Variants in SLC26A3 observed in about 807,000 individuals in gnomAD.
SLC26A3 encodes the protein chloride anion exchanger.
Under a neutral mutation model 85.6 loss-of-function variants are expected in SLC26A3, and 64 were observed. The observed-to-expected ratio is 0.75, with a 90% CI of 0.61 to 0.92. The LOEUF (loss-of-function observed/expected upper bound fraction) is 0.92, where lower values mean the gene tolerates loss of function less well. Among genes scored for constraint, SLC26A3 ranks in the 40% least tolerant of loss-of-function variants. The pLI is 0.00. For synonymous variants in SLC26A3, 349 were observed against 336.0 expected, an observed-to-expected ratio of 1.04 and a Z score of -0.42; for missense variants, 922 against 927.3, an observed-to-expected ratio of 0.99 and a Z score of 0.07.
intron 18 of SLC26A3, among the ~76,000 whole-genome samples, chr7:107,768,830 A>G (rs1562873667): frequency 6.6e-6 from 1 of 152,176 alleles, no homozygotes; most frequent in Non-Finnish European, 1.5e-5. Context: ...AAGAGAAGGT[A>G]CACAGTTATG....
intron 13 of SLC26A3, among the ~76,000 whole-genome samples, chr7:107,777,675 T>A (rs915577067): frequency 5.3e-5 from 8 of 152,114 alleles, no homozygotes; most frequent in African/African-American, 1.9e-4. Context: ...TCCAAATGGC[T>A]TTTGTGGAAT....
intron 1 of SLC26A3, among the ~76,000 whole-genome samples, chr7:107,798,274 G>T: frequency 6.6e-6 from 1 of 150,508 alleles, no homozygotes; most frequent in Non-Finnish European, 1.5e-5. Flanking sequence ...ATTTAATCCT[G>T]GGATTAATTT....
Position 107,786,809 on chromosome 7 carries a change from C to T in SLC26A3, c.971+18G>A. On this transcript the variant is annotated intron_variant, in intron 8 of 20. Coordinates refer to ENST00000340010, the MANE Select transcript of SLC26A3 (RefSeq NM_000111.3). Reference sequence around the variant, plus strand: ...TCTGCTTAGTGCATGGTGATGCCATCATCGAAGACACACTTACCCAGGATT... The same window carrying T: ...TCTGCTTAGTGCATGGTGATGCCATTATCGAAGACACACTTACCCAGGATT... The T allele has an allele frequency of 6.2e-7, 1 of 1,602,750 alleles. No homozygotes were observed. The highest frequency in any genetic ancestry group is 8.5e-7 in the Non-Finnish European group (1 of 1,169,808).
At chr7:107,793,355 C>T (rs921065666) in intron 3 of SLC26A3, among the ~76,000 whole-genome samples, 21 of 152,054 alleles carry the variant, frequency 1.4e-4, no homozygotes, top group African/African-American at 3.9e-4. Flanking sequence ...GTTCATCAAC[C>T]GATGAGCAGA....
In SLC26A3 at chr7:107,800,910, T is replaced by C. The variant is rs181928026; in HGVS notation, c.-89+2201A>G. Among the ~76,000 whole-genome samples the C allele has an allele frequency of 3.3e-3, 498 of 152,322 alleles. 2 individuals carry two copies. Among genetic ancestry groups the C allele is most frequent in the Non-Finnish European group, 4.1e-3 (277 of 68,020 alleles). ...AAAGCAGTGGGCAATAAGCAAATCA[T>C]GTGAAAGGTTATTGAGAGTTCCAAA... On this transcript the variant is annotated intron_variant, in intron 1 of 20. Coordinates refer to ENST00000340010, the MANE Select transcript of SLC26A3 (RefSeq NM_000111.3).
intron 8 of SLC26A3, 48 bp from the exon 9 acceptor site, chr7:107,783,400 A>T (rs1287828708): frequency 6.2e-7 from 1 of 1,603,758 alleles, no homozygotes; most frequent in African/African-American, 1.3e-5. Flanking sequence ...CAATTTATAA[A>T]CTGATATAAC....
rs190072454 is a variant in SLC26A3, at chr7:107,790,932, A to T, written c.570+116T>A. The T allele has an allele frequency of 6.8e-4, 743 of 1,088,898 alleles. 1 individual carries two copies. Among genetic ancestry groups the T allele is most frequent in the Middle Eastern group, 8.6e-4 (3 of 3,508 alleles). The allele number at this position is 1,088,898 out of a possible 1,614,324, so 67.5% of individuals were successfully genotyped here. On this transcript the variant is annotated intron_variant, in intron 5 of 20. Transcript: ENST00000340010. Reference sequence around the variant, plus strand: ...CAGTATTTCCTATGGGCCATGAGGGAGAGACAAACCAAAGGGAAGATGGGG... The same window carrying T: ...CAGTATTTCCTATGGGCCATGAGGGTGAGACAAACCAAAGGGAAGATGGGG...
At chr7:107,769,728 AG>A (rs1029312344) in intron 18 of SLC26A3, among the ~76,000 whole-genome samples, 3 of 152,192 alleles carry the variant, frequency 2.0e-5, no homozygotes, top group Non-Finnish European at 2.9e-5. Flanking sequence ...TGAACTTAAA[AG>A]TTTTTTTTAA....
intron 3 of SLC26A3, among the ~76,000 whole-genome samples, chr7:107,792,878 A>T (rs1308125109): frequency 6.6e-6 from 1 of 152,246 alleles, no homozygotes; most frequent in Admixed American, 6.5e-5. Context: ...TAGAAACAAC[A>T]CTTGCAACTC....
At chr7:107,784,442 T>C (rs1279316396) in intron 8 of SLC26A3, among the ~76,000 whole-genome samples, 1 of 152,164 alleles carries the variant, frequency 6.6e-6, no homozygotes, top group African/African-American at 2.4e-5. Context: ...GTGAGGATAA[T>C]AAAACTTGTT....
chr7:107,796,983 T>C (rs1794515635), intron 1 of SLC26A3, among the ~76,000 whole-genome samples: 1 of 152,070 alleles, frequency 6.6e-6, no homozygotes, highest in South Asian at 2.1e-4. Context: ...TTTATTTTAA[T>C]TTTTTTTGCC....
intron 15 of SLC26A3, chr7:107,776,135 A>G (rs1794110749): frequency 5.1e-6 from 2 of 392,312 alleles, no homozygotes; most frequent in East Asian, 5.5e-5. Context: ...GTTGATGCCC[A>G]AAGAAAATCT....
chr7:107,798,539 A>C lies in SLC26A3; in HGVS notation c.-88-3942T>G, dbSNP rs182733558. 3.9e-5 allele frequency among the ~76,000 whole-genome samples: 6 copies of C among 152,136 alleles called. No homozygotes were observed. In the East Asian group the frequency reaches 1.2e-3, roughly 29 times the overall value. ...TCAGAGGTCTGCCCTTTTTGCTGGG[A>C]AACAACTAATTTGAACCAAGATGCT... On this transcript the variant is annotated intron_variant, in intron 1 of 20. Coordinates refer to ENST00000340010, the MANE Select transcript of SLC26A3 (RefSeq NM_000111.3).
At chr7:107,778,359 A>ATTT in intron 12 of SLC26A3, 78 bp from the exon 13 acceptor site, 1 of 453,052 alleles carries the variant, frequency 2.2e-6, no homozygotes, top group Admixed American at 4.0e-5. Context: ...TTTTAAAAAG[A>ATTT]CTTTTTTTTT....
intron 18 of SLC26A3, among the ~76,000 whole-genome samples, chr7:107,770,031 TTTCTTTCTTTCTTTCTTTCTCTTTTC>T (rs1292050660): frequency 1.1e-5 from 1 of 93,094 alleles, no homozygotes; most frequent in African/African-American, 4.8e-5. Flanking sequence ...TCTTTCTTTC[TTTCTTTCTTTCTTTCTTTCTCTTTTC>T]TTTCTTTTTC....
rs182526650 is a variant in SLC26A3, at chr7:107,794,462, A to C, written c.48T>G (p.Tyr16Ter). 3 of 1,614,030 alleles carry C rather than the reference A, an allele frequency of 1.9e-6. No homozygotes were observed. The African/African-American group carries it at 4.0e-5, about 22-fold the overall frequency. ...GNQYIVARPV[Y>*]STNAFEENHK... is the part of the protein sequence containing the mutation. ...GATTTTCCTCAAAAGCATTTGTAGA[A>C]TACACTGGCCTGGCCACAATATACT... Residue 16 changes from tyrosine to a stop codon, truncating the protein, a stop_gained, in exon 2 of 21, where the codon TAT becomes TAG. Coordinates refer to ENST00000340010, the MANE Select transcript of SLC26A3 (RefSeq NM_000111.3). LOFTEE classifies it high-confidence loss of function.
Position 107,776,712 on chromosome 7 carries a change from G to C in SLC26A3, c.1515-6C>G. On this transcript the variant is annotated splice_region_variant and splice_polypyrimidine_tract_variant and intron_variant, in intron 13 of 20. Transcript: ENST00000340010. ...CCAGCGTGCTGCATTTTGGACTGTA[G>C]GGAGAAAAACACCAAGTAAATCATT... 6.2e-7 allele frequency: 1 copy of C among 1,612,648 alleles called. No homozygotes were observed. Among genetic ancestry groups the C allele is most frequent in the East Asian group, 2.2e-5 (1 of 44,868 alleles).
intron 1 of SLC26A3, among the ~76,000 whole-genome samples, chr7:107,800,265 TG>T: frequency 6.6e-6 from 1 of 152,250 alleles, no homozygotes; most frequent in African/African-American, 2.4e-5. Context: ...GAGACTGAAG[TG>T]GGGAGATTGC....
At chr7:107,787,241 G>A (rs1794312441) in intron 7 of SLC26A3, 116 bp downstream of exon 7, 5 of 1,034,906 alleles carry the variant, frequency 4.8e-6, no homozygotes, top group Non-Finnish European at 6.0e-6. Flanking sequence ...CATTATGCCC[G>A]AAAACTGCAG....
Sources: gnomAD v4.1 joint callset for allele counts (sites outside exome capture counted in the v4.1 genomes callset) on GRCh38, gnomAD v4.1.1 for gene constraint, MANE v1.5 for transcripts, NCBI Gene and HGNC (gene_info 2026-07-23, HGNC 2026-07-21) for gene names.